The following SEMA3D variants were observed in gnomAD, a reference collection of about 807,000 sequenced individuals.
SEMA3D encodes the protein semaphorin-3D.
In SEMA3D, 84 loss-of-function variants were observed where a neutral mutation model predicts 100.1. The observed-to-expected ratio is 0.84, with a 90% CI of 0.70 to 1.01. SEMA3D has a LOEUF of 1.01. Among genes scored for constraint, SEMA3D ranks in the 50% least tolerant of loss-of-function variants. The pLI, the probability that SEMA3D is intolerant of heterozygous loss-of-function variation, is 0.00. For synonymous variants in SEMA3D, 312 were observed against 320.7 expected (o/e 0.97, Z 0.29); for missense variants, 875 against 934.1 (o/e 0.94, Z 0.82).
At chr7:85,125,655 T>C (rs1301287786) in intron 2 of SEMA3D, among the ~76,000 whole-genome samples, 1 of 152,118 alleles carries the variant, frequency 6.6e-6, no homozygotes, top group Non-Finnish European at 1.5e-5. Context: ...AATCTACTGG[T>C]CCTGATTCTT....
At chr7:85,119,222 C>G (rs1033621538) in intron 3 of SEMA3D, among the ~76,000 whole-genome samples, 1 of 152,138 alleles carries the variant, frequency 6.6e-6, no homozygotes, top group Non-Finnish European at 1.5e-5. Flanking sequence ...TCTCAAAGAT[C>G]TAAAGACAGA....
At chr7:85,090,880 T>C (rs1788367433) in intron 4 of SEMA3D, among the ~76,000 whole-genome samples, 5 of 152,236 alleles carry the variant, frequency 3.3e-5, no homozygotes, top group Admixed American at 3.3e-4. Flanking sequence ...GAAATTATTA[T>C]ATGTAAAATT....
At chr7:85,236,281 T>TTTAATTTATTTATTTA in the SEMA3D span, among the ~76,000 whole-genome samples, 1 of 131,976 alleles carries the variant, frequency 7.6e-6, no homozygotes, top group Non-Finnish European at 1.5e-5. Flanking sequence ...TTTTATTTTA[T>TTTAATTTATTTATTTA]TTTATTTATT....
At chr7:85,081,371 TTC>T (rs1369294773) in intron 5 of SEMA3D, 144 bp downstream of exon 5, 20 of 524,488 alleles carry the variant, frequency 3.8e-5, no homozygotes, top group Admixed American at 6.4e-5. Flanking sequence ...AGATATTTTA[TTC>T]CACATTAATA....
chr7:85,200,470 T>G, the SEMA3D span, among the ~76,000 whole-genome samples: 1 of 152,084 alleles, frequency 6.6e-6, no homozygotes, highest in African/African-American at 2.4e-5. Context: ...TTATGGAACT[T>G]TGAACTTGAG....
At chr7:85,047,761 T>A (rs1264318995) in intron 9 of SEMA3D, among the ~76,000 whole-genome samples, 1 of 151,860 alleles carries the variant, frequency 6.6e-6, no homozygotes, top group African/African-American at 2.4e-5. Flanking sequence ...CAATAGAAAC[T>A]GGATAATGAC....
chr7:85,160,861 G>A (rs1790727558), intron 1 of SEMA3D, among the ~76,000 whole-genome samples: 1 of 152,104 alleles, frequency 6.6e-6, no homozygotes, highest in African/African-American at 2.4e-5. Flanking sequence ...AAACTCTGGG[G>A]GAAGAAAGTA....
At chr7:85,168,877 GAAAAGAA>G (rs1791002821) in intron 1 of SEMA3D, among the ~76,000 whole-genome samples, 1 of 129,266 alleles carries the variant, frequency 7.7e-6, no homozygotes, top group African/African-American at 2.9e-5. Flanking sequence ...AAGAAAGAAA[GAAAAGAA>G]AGAAAGAAAA....
chr7:85,029,551 C>G, intron 12 of SEMA3D: 1 of 551,668 alleles, frequency 1.8e-6, no homozygotes, highest in Non-Finnish European at 3.4e-6. Flanking sequence ...ACAGCAAGAG[C>G]TGGAGAAGTC....
At chr7:85,160,128 GATA>G in intron 1 of SEMA3D, 4 of 727,422 alleles carry the variant, frequency 5.5e-6, no homozygotes. Context: ...AGCCTAACAG[GATA>G]ATGTCAAGCT....
At chr7:84,999,983 G>T in intron 18 of SEMA3D, 118 bp from the exon 19 acceptor site, 1 of 806,448 alleles carries the variant, frequency 1.2e-6, no homozygotes, top group Non-Finnish European at 1.9e-6. Context: ...TTGTCTCTCT[G>T]TCTCTGTCAT....
intron 4 of SEMA3D, among the ~76,000 whole-genome samples, chr7:85,091,853 T>C (rs1788403748): frequency 6.6e-6 from 1 of 152,044 alleles, no homozygotes; most frequent in Admixed American, 6.6e-5. Flanking sequence ...CTATTAAAGT[T>C]CTTCTTTTAT....
intron 17 of SEMA3D, among the ~76,000 whole-genome samples, chr7:85,007,219 T>TA (rs1562780268): frequency 6.6e-6 from 1 of 151,924 alleles, no homozygotes; most frequent in Non-Finnish European, 1.5e-5. Context: ...AAACTCTATA[T>TA]ATTGAGATTT....
chr7:85,232,471 G>C, the SEMA3D span, among the ~76,000 whole-genome samples: 1 of 152,180 alleles, frequency 6.6e-6, no homozygotes, highest in Non-Finnish European at 1.5e-5. Flanking sequence ...AGTGTAGAAA[G>C]AAAATCTTAG....
At chr7:85,166,626 A>T (rs1299040486) in intron 1 of SEMA3D, among the ~76,000 whole-genome samples, 2 of 151,968 alleles carry the variant, frequency 1.3e-5, no homozygotes, top group African/African-American at 4.8e-5. Flanking sequence ...TAGAGAGATA[A>T]AGCAAATTGC....
chr7:85,123,627 G>A (rs1186718427), intron 2 of SEMA3D, among the ~76,000 whole-genome samples: 1 of 151,958 alleles, frequency 6.6e-6, no homozygotes, highest in African/African-American at 2.4e-5. Flanking sequence ...AAACATTTAA[G>A]GATAGACTTC....
intron 17 of SEMA3D, among the ~76,000 whole-genome samples, chr7:85,008,389 C>T (rs1371043860): frequency 6.6e-6 from 1 of 151,768 alleles, no homozygotes; most frequent in Non-Finnish European, 1.5e-5. Flanking sequence ...TAATGTCTGA[C>T]ATCTCTGCAT....
chr7:85,146,605 T>C (rs956055281), intron 2 of SEMA3D, among the ~76,000 whole-genome samples: 3 of 151,684 alleles, frequency 2.0e-5, no homozygotes, highest in African/African-American at 4.8e-5. Context: ...ATTTAAGATA[T>C]GCAATTGTAT....
chr7:85,160,828 C>T (rs944983342), intron 1 of SEMA3D, among the ~76,000 whole-genome samples: 1 of 152,138 alleles, frequency 6.6e-6, no homozygotes, highest in African/African-American at 2.4e-5. Flanking sequence ...AAGTACCTCT[C>T]TGCAAACCAG....
Sources: allele counts gnomAD v4.1 joint callset (sites outside exome capture counted in the v4.1 genomes callset), GRCh38; gene constraint gnomAD v4.1.1; transcripts MANE v1.5; gene names NCBI Gene and HGNC (gene_info 2026-07-23, HGNC 2026-07-21).